ABI1: variants seen among roughly 807,000 people sequenced by gnomAD.
ABI1 encodes abl interactor 1.
Under a neutral mutation model 54.6 loss-of-function variants are expected in ABI1, and 14 were observed. The observed-to-expected ratio is 0.26, with a 90% CI of 0.17 to 0.40. The LOEUF is 0.40. Among genes scored for constraint, ABI1 ranks in the 10% least tolerant of loss-of-function variants. ABI1 has a pLI of 1.00. For missense variants in ABI1, 443 were observed against 598.3 expected (o/e 0.74, Z 2.71); for synonymous variants, 194 against 209.3 (o/e 0.93, Z 0.63).
chr10:26,768,710 T>C, intron 6 of ABI1, 142 bp downstream of exon 6: 2 of 691,736 alleles, frequency 2.9e-6, no homozygotes, highest in Non-Finnish European at 4.8e-6. Context: ...CAGGAACATA[T>C]ATAATATTAT....
intron 1 of ABI1, among the ~76,000 whole-genome samples, chr10:26,843,989 A>C (rs1472546170): frequency 6.6e-6 from 1 of 152,214 alleles, no homozygotes; most frequent in East Asian, 1.9e-4. Context: ...AGGACATAGC[A>C]AAAGCACAAT....
At chr10:26,819,435 G>GA (rs1369735193) in intron 2 of ABI1, among the ~76,000 whole-genome samples, 1 of 152,072 alleles carries the variant, frequency 6.6e-6, no homozygotes, top group African/African-American at 2.4e-5. Context: ...ATACGTAACA[G>GA]AAAAAAGACT....
intron 4 of ABI1, chr10:26,770,595 A>G (rs1840568197): frequency 1.5e-6 from 1 of 656,668 alleles, no homozygotes; most frequent in Non-Finnish European, 2.8e-6. Context: ...ATCTTATTTT[A>G]TTGTTAAACA....
intron 8 of ABI1, 53 bp from the exon 9 acceptor site, chr10:26,755,794 G>C: frequency 1.5e-6 from 2 of 1,301,986 alleles, no homozygotes. Context: ...GGAAAGAAAA[G>C]GAAACAAACA....
intron 7 of ABI1, among the ~76,000 whole-genome samples, chr10:26,760,708 G>A (rs1031141936): frequency 6.6e-6 from 1 of 151,936 alleles, no homozygotes; most frequent in East Asian, 1.9e-4. Flanking sequence ...TGGCCATCAT[G>A]GCGAAAACCC....
intron 2 of ABI1, among the ~76,000 whole-genome samples, chr10:26,822,905 G>T (rs150374933): frequency 8.5e-5 from 13 of 152,242 alleles, no homozygotes; most frequent in Non-Finnish European, 1.5e-4. Flanking sequence ...TGTACTTAAT[G>T]CTACTGAATT....
chr10:26,764,618 C>T (rs1839675811), intron 7 of ABI1, among the ~76,000 whole-genome samples: 1 of 152,172 alleles, frequency 6.6e-6, no homozygotes, highest in African/African-American at 2.4e-5. Flanking sequence ...GTCAGCCCTC[C>T]ATATCCATGG....
intron 7 of ABI1, 84 bp from the exon 8 acceptor site, chr10:26,759,322 C>A (rs868681892): frequency 8.9e-7 from 1 of 1,127,490 alleles, no homozygotes. Flanking sequence ...CAGGAGGGGG[C>A]CTCAGTAAGA....
In ABI1 at chr10:26,751,685, C is replaced by T. The variant is rs1233506130; in HGVS notation, c.1183G>A (p.Glu395Lys). 1 of 1,613,932 alleles carries T rather than the reference C, an allele frequency of 6.2e-7. No homozygotes were observed. Among genetic ancestry groups the T allele is most frequent in the Non-Finnish European group, 8.5e-7 (1 of 1,179,996 alleles). ...TGAACTACTGCAGCCTCCTCATCTT[C>T]ATAATCCACTGGTGGTGGTGGTGGG... ...PPPPPPPVDY[E>K]DEEAAVVQYN... Residue 395 changes from glutamate to lysine, a missense_variant, in exon 10 of 11, where the codon GAA (glutamate) becomes AAA (lysine). Physicochemically the swap from Glu to Lys is moderately conservative, Grantham distance 56. Transcript: ENST00000376140.
intron 2 of ABI1, among the ~76,000 whole-genome samples, chr10:26,811,724 AAG>A (rs2047238707): frequency 8.3e-5 from 1 of 12,080 alleles, no homozygotes; most frequent in Admixed American, 1.2e-3. Context: ...ATCTCTGACA[AAG>A]ATTTGTATAA....
At chr10:26,790,866 C>T (rs988194955) in intron 2 of ABI1, among the ~76,000 whole-genome samples, 1 of 151,832 alleles carries the variant, frequency 6.6e-6, no homozygotes, top group African/African-American at 2.4e-5. Flanking sequence ...TCCAGGAATT[C>T]GAGACTAGCC....
At chr10:26,844,301 C>T (rs957613754) in intron 1 of ABI1, among the ~76,000 whole-genome samples, 6 of 152,186 alleles carry the variant, frequency 3.9e-5, no homozygotes, top group East Asian at 1.9e-4. Flanking sequence ...AACCCCCAAA[C>T]ACTACTGTTC....
chr10:26,767,427 C>T (rs1244989276), intron 6 of ABI1, among the ~76,000 whole-genome samples: 1 of 152,106 alleles, frequency 6.6e-6, no homozygotes, highest in South Asian at 2.1e-4. Flanking sequence ...AGGTTCCCTG[C>T]CCACGTTATT....
chr10:26,839,845 G>A, intron 1 of ABI1: 1 of 692,334 alleles, frequency 1.4e-6, no homozygotes, highest in South Asian at 1.5e-5. Context: ...GGTAAAGATG[G>A]CAAAAATGGT....
In ABI1 at chr10:26,747,337, G is replaced by A. The variant is rs905434347; in HGVS notation, c.*1233C>T. The A allele has an allele frequency of 1.8e-5, 4 of 225,242 alleles. No individual in the cohort carries two copies. Among genetic ancestry groups the A allele is most frequent in the African/African-American group, 8.9e-5 (4 of 44,958 alleles). The allele number at this position is 225,242 out of a possible 1,614,324, so 14.0% of individuals were successfully genotyped here. On this transcript the variant is annotated 3_prime_UTR_variant, in exon 11 of 11. Coordinates refer to ENST00000376140, the MANE Select transcript of ABI1 (RefSeq NM_001012750.3). The stretch of plus-strand genomic sequence containing the variant: ...AGGAGACACACAAAGTGCATGTGTT[G>A]CATTTTGATTATGTCAAAAGACAAT...
chr10:26,765,594 C>G (rs886825799), intron 6 of ABI1, among the ~76,000 whole-genome samples: 1 of 143,706 alleles, frequency 7.0e-6, no homozygotes, highest in African/African-American at 2.5e-5. Context: ...CCGAGACTGC[C>G]TTACTCTGGG....
At chr10:26,845,479 C>T (rs1044468822) in intron 1 of ABI1, among the ~76,000 whole-genome samples, 1 of 151,944 alleles carries the variant, frequency 6.6e-6, no homozygotes, top group Admixed American at 6.5e-5. Flanking sequence ...CCCATCTCTA[C>T]TAAAGCTACA....
In ABI1 at chr10:26,832,755, G is replaced by C. The variant is rs537242497; in HGVS notation, c.118-9450C>G. Reference sequence around the variant, plus strand: ...GGCCAACAAACGGGCTGGTTGGTTAGAGACCTGAGAAACCTTCCAGGAAGA... The same window carrying C: ...GGCCAACAAACGGGCTGGTTGGTTACAGACCTGAGAAACCTTCCAGGAAGA... On this transcript the variant is annotated intron_variant, in intron 1 of 10. Transcript: ENST00000376140. Among the ~76,000 whole-genome samples the C allele has an allele frequency of 2.0e-5, 3 of 152,240 alleles. No individual in the cohort carries two copies. The South Asian group carries it at 6.2e-4, about 32-fold the overall frequency.
chr10:26,823,114 T>G (rs757407428), intron 2 of ABI1, 24 bp downstream of exon 2: 25 of 1,551,466 alleles, frequency 1.6e-5, no homozygotes, highest in Non-Finnish European at 1.9e-5. Flanking sequence ...TAAATTGAAT[T>G]TAAAGCATTT....
Sources: allele counts gnomAD v4.1 joint callset (sites outside exome capture counted in the v4.1 genomes callset), GRCh38; gene constraint gnomAD v4.1.1; transcripts MANE v1.5; gene names NCBI Gene and HGNC (gene_info 2026-07-23, HGNC 2026-07-21).